OSBPL1A: variants seen among roughly 807,000 people sequenced by gnomAD.
OSBPL1A encodes the protein oxysterol binding protein like 1A.
OSBPL1A carries 80 observed loss-of-function variants against 137.1 expected under a neutral mutation model. The ratio of observed to expected loss-of-function variants is 0.58; its 90% confidence interval spans 0.49 to 0.70. OSBPL1A has a LOEUF of 0.70. OSBPL1A is among the 30% of genes least tolerant of loss of function. The pLI, the probability that OSBPL1A is intolerant of heterozygous loss-of-function variation, is 0.00. For synonymous variants in OSBPL1A, 365 were observed against 389.7 expected, an observed-to-expected ratio of 0.94 and a Z score of 0.75; for missense variants, 970 against 1,129.4, an observed-to-expected ratio of 0.86 and a Z score of 2.02.
intron 22 of OSBPL1A, among the ~76,000 whole-genome samples, chr18:24,171,884 C>A (rs375053246): frequency 1.2e-4 from 18 of 152,090 alleles, no homozygotes; most frequent in African/African-American, 4.1e-4. Context: ...CTTTAATGAA[C>A]CCTCTTTATT....
Position 24,288,716 on chromosome 18 carries a change from C to T in OSBPL1A, c.1175-7768G>A, listed in dbSNP as rs184537377. Among the ~76,000 whole-genome samples, 464 of 149,448 alleles carry T rather than the reference C, an allele frequency of 3.1e-3. 1 individual carries two copies. Among genetic ancestry groups the T allele is most frequent in the Non-Finnish European group, 4.4e-3 (296 of 67,710 alleles). On this transcript the variant is annotated intron_variant, in intron 14 of 27. Transcript: ENST00000319481. The stretch of plus-strand genomic sequence containing the variant: ...CTGGAAGGCGGAGGTTGCAGTGAGC[C>T]GAGATCGGCCATTGCACTCCAGCCT...
At chr18:24,278,143 A>G (rs147181586) in intron 15 of OSBPL1A, among the ~76,000 whole-genome samples, 1 of 152,338 alleles carries the variant, frequency 6.6e-6, no homozygotes, top group Non-Finnish European at 1.5e-5. Flanking sequence ...CAGTGCTTCT[A>G]AAAGCTTGCT....
chr18:24,304,912 G>A (rs1362984739), intron 13 of OSBPL1A, among the ~76,000 whole-genome samples: 1 of 152,098 alleles, frequency 6.6e-6, no homozygotes, highest in African/African-American at 2.4e-5. Flanking sequence ...GAGAGCAGGG[G>A]GAGAATACCT....
intron 17 of OSBPL1A, among the ~76,000 whole-genome samples, chr18:24,224,141 A>C (rs555078947): frequency 6.6e-6 from 1 of 152,306 alleles, no homozygotes; most frequent in East Asian, 1.9e-4. Context: ...AAATAAATAC[A>C]AACTGAGACA....
chr18:24,345,697 G>A (rs757725427), intron 4 of OSBPL1A, among the ~76,000 whole-genome samples: 2 of 151,664 alleles, frequency 1.3e-5, no homozygotes, highest in Non-Finnish European at 2.9e-5. Flanking sequence ...AAAAAAAAAA[G>A]TAGTTGATAA....
intron 17 of OSBPL1A, among the ~76,000 whole-genome samples, chr18:24,199,127 G>C (rs1156289541): frequency 6.6e-6 from 1 of 152,062 alleles, no homozygotes; most frequent in African/African-American, 2.4e-5. Context: ...CCACAGTGCT[G>C]GTATTACAGG....
chr18:24,287,063 A>T (rs1005866410), intron 14 of OSBPL1A, among the ~76,000 whole-genome samples: 1 of 152,254 alleles, frequency 6.6e-6, no homozygotes, highest in Non-Finnish European at 1.5e-5. Context: ...ACAAGTCACA[A>T]AGACCTGGAG....
intron 16 of OSBPL1A, among the ~76,000 whole-genome samples, chr18:24,232,762 T>G (rs1159400008): frequency 2.0e-5 from 3 of 152,238 alleles, no homozygotes; most frequent in Non-Finnish European, 4.4e-5. Context: ...AGTCAACATT[T>G]ACTAAGTACC....
Position 24,191,151 on chromosome 18 carries a change from C to T in OSBPL1A, c.1677+4974G>A, listed in dbSNP as rs183702446. Among the ~76,000 whole-genome samples, 10 of 151,628 alleles carry T rather than the reference C, an allele frequency of 6.6e-5. 1 individual carries two copies. The highest frequency in any genetic ancestry group is 6.6e-4 in the Admixed American group (10 of 15,260). ...GCTTCTCTGGTGTATTTCCCAGAGG[C>T]CAAGAAGCCAATGACTAATGAAAGG... is the stretch of plus-strand genomic sequence containing the variant. On this transcript the variant is annotated intron_variant, in intron 18 of 27. Transcript: ENST00000319481.
chr18:24,213,339 A>C (rs747617078), intron 17 of OSBPL1A, among the ~76,000 whole-genome samples: 1 of 152,182 alleles, frequency 6.6e-6, no homozygotes, highest in Non-Finnish European at 1.5e-5. Context: ...AGGCCGAGGC[A>C]GGCGGATCAC....
chr18:24,252,778 AC>A (rs2146029816), intron 15 of OSBPL1A, among the ~76,000 whole-genome samples: 1 of 152,192 alleles, frequency 6.6e-6, no homozygotes, highest in African/African-American at 2.4e-5. Context: ...CAAGACATAG[AC>A]AGTATAAGAC....
intron 15 of OSBPL1A, among the ~76,000 whole-genome samples, chr18:24,240,468 C>T (rs1291865077): frequency 6.6e-6 from 1 of 152,224 alleles, no homozygotes; most frequent in South Asian, 2.1e-4. Flanking sequence ...TTGATAGGGA[C>T]AGTTTTGCCT....
chr18:24,268,140 G>C (rs770086529), intron 15 of OSBPL1A, among the ~76,000 whole-genome samples: 7 of 151,918 alleles, frequency 4.6e-5, no homozygotes, highest in Non-Finnish European at 1.0e-4. Flanking sequence ...TTTTGAGACA[G>C]GGTCTCACTC....
chr18:24,378,764 C>A (rs542962974), intron 1 of OSBPL1A, among the ~76,000 whole-genome samples: 19 of 152,316 alleles, frequency 1.2e-4, no homozygotes, highest in African/African-American at 4.6e-4. Flanking sequence ...ATCGGCATTT[C>A]TTATGCAGGC....
intron 18 of OSBPL1A, among the ~76,000 whole-genome samples, chr18:24,187,820 G>C (rs8093789): frequency 0.21 from 31,941 of 152,078 alleles, 4,020 homozygotes; most frequent in East Asian, 0.42. Flanking sequence ...GGCAGTGAGG[G>C]ACAGGGTGCT....
In OSBPL1A at chr18:24,341,667, C is replaced by G. The variant is rs963915289; in HGVS notation, c.283-9G>C. ...AGAAGCATTACCAACTCCTAAAAAT[C>G]AGAGAATTTATTTTTAACTATTAAG... On this transcript the variant is annotated splice_polypyrimidine_tract_variant and intron_variant, in intron 4 of 27. Coordinates refer to ENST00000319481, the MANE Select transcript of OSBPL1A (RefSeq NM_080597.4). The G allele has an allele frequency of 6.4e-7, 1 of 1,558,364 alleles. No homozygotes were observed. The highest frequency in any genetic ancestry group is 8.8e-7 in the Non-Finnish European group (1 of 1,138,204).
Position 24,314,331 on chromosome 18 carries a change from C to T in OSBPL1A, c.887G>A (p.Ser296Asn). The T allele has an allele frequency of 6.2e-7, 1 of 1,607,448 alleles. No homozygotes were observed. Among genetic ancestry groups the T allele is most frequent in the Non-Finnish European group, 8.5e-7 (1 of 1,177,636 alleles). Residue 296 changes from serine to asparagine, a missense_variant, in exon 12 of 28, where the codon AGC (serine) becomes AAC (asparagine). Ser to Asn is a conservative substitution (Grantham distance 46, BLOSUM62 1). Transcript: ENST00000319481. Reference sequence around the variant, plus strand: ...AAAGCATTTAATAAAGAAGAGGCAGCTATCAGTGGATTTTACCTTGGATAT... The same window carrying T: ...AAAGCATTTAATAAAGAAGAGGCAGTTATCAGTGGATTTTACCTTGGATAT... ...QAVCTVKSTD[S>N]CLFFIKCFDD...
chr18:24,380,038 G>A (rs766246860), intron 1 of OSBPL1A, among the ~76,000 whole-genome samples: 86 of 152,182 alleles, frequency 5.7e-4, no homozygotes, highest in South Asian at 1.0e-3. Flanking sequence ...AAAAGAGCAG[G>A]AATCAGAATG....
In OSBPL1A at chr18:24,271,641, C is replaced by T; in HGVS notation, c.1281+9201G>A. 1 of 985,782 alleles carries T rather than the reference C, an allele frequency of 1.0e-6. No individual in the cohort carries two copies. Among genetic ancestry groups the T allele is most frequent in the Non-Finnish European group, 1.2e-6 (1 of 830,190 alleles). The allele number at this position is 985,782 out of a possible 1,614,324, so 61.1% of individuals were successfully genotyped here. A position where few individuals can be genotyped will look rare whatever the true frequency, so the allele number is the denominator to read the frequency against. ...ACCTACCTGGGCCAGATCCGAGGAC[C>T]CCGGCTGGCGCGCTCCACCCTGCGC... On this transcript the variant is annotated intron_variant, in intron 15 of 27. Transcript: ENST00000319481. This position sits in a 1 kb window ranked among gnomAD's most constrained non-coding sequence, Gnocchi z 4.0.
Sources: allele counts gnomAD v4.1 joint callset (sites outside exome capture counted in the v4.1 genomes callset), GRCh38; gene constraint gnomAD v4.1.1; non-coding constraint Gnocchi (gnomAD v3.1); transcripts MANE v1.5; gene names NCBI Gene and HGNC (gene_info 2026-07-23, HGNC 2026-07-21).